Variants in PICALM observed in about 807,000 individuals in gnomAD.
PICALM encodes the protein phosphatidylinositol-binding clathrin assembly protein.
PICALM carries 40 observed loss-of-function variants against 80.5 expected under a neutral mutation model. That is an observed-to-expected ratio of 0.50 (90% confidence interval 0.39 to 0.65). The LOEUF (loss-of-function observed/expected upper bound fraction) is 0.65. PICALM is among the 30% of genes least tolerant of loss of function. PICALM has a pLI of 0.00. For synonymous variants in PICALM, 288 were observed against 260.3 expected, an observed-to-expected ratio of 1.11 and a Z score of -1.02; for missense variants, 676 against 778.9, an observed-to-expected ratio of 0.87 and a Z score of 1.57.
chr11:86,065,775 T>A (rs1324698405), intron 1 of PICALM, among the ~76,000 whole-genome samples: 1 of 152,200 alleles, frequency 6.6e-6, no homozygotes, highest in African/African-American at 2.4e-5. Flanking sequence ...ACCTACAGTA[T>A]AAGCAAAGCA....
At chr11:86,011,408 T>C (rs931964373) in intron 6 of PICALM, among the ~76,000 whole-genome samples, 2 of 152,248 alleles carry the variant, frequency 1.3e-5, no homozygotes, top group Non-Finnish European at 2.9e-5. Context: ...CATATTTGTG[T>C]GTAAACACGT....
At chr11:86,044,808 C>A (rs551308305) in intron 1 of PICALM, among the ~76,000 whole-genome samples, 1 of 152,334 alleles carries the variant, frequency 6.6e-6, no homozygotes, top group Admixed American at 6.5e-5. Flanking sequence ...ACTGCACATG[C>A]AAGGGATCTA....
intron 6 of PICALM, among the ~76,000 whole-genome samples, chr11:86,011,750 T>C (rs1036829576): frequency 6.6e-6 from 1 of 152,174 alleles, no homozygotes; most frequent in Admixed American, 6.5e-5. Flanking sequence ...ATGGAGTTGA[T>C]TATGAGAAAA....
At chr11:86,042,571 C>T (rs1434395967) in intron 1 of PICALM, among the ~76,000 whole-genome samples, 1 of 149,382 alleles carries the variant, frequency 6.7e-6, no homozygotes, top group African/African-American at 2.5e-5. Context: ...AATTTAAGAA[C>T]AAATGCCAAA....
intron 2 of PICALM, among the ~76,000 whole-genome samples, chr11:86,027,671 T>C (rs1443294836): frequency 1.3e-5 from 2 of 151,926 alleles, no homozygotes; most frequent in East Asian, 1.9e-4. Context: ...ACTACAGGCA[T>C]GTCCAGCTCA....
intron 1 of PICALM, among the ~76,000 whole-genome samples, chr11:86,060,778 A>C (rs1044403211): frequency 6.6e-6 from 1 of 152,036 alleles, no homozygotes; most frequent in African/African-American, 2.4e-5. Flanking sequence ...TTACACTCAC[A>C]AAAATTAACT....
At chr11:85,984,862 A>T (rs1484831648) in intron 13 of PICALM, among the ~76,000 whole-genome samples, 1 of 152,162 alleles carries the variant, frequency 6.6e-6, no homozygotes, top group Non-Finnish European at 1.5e-5. Context: ...GGCTGAAAAG[A>T]ATTAAAATCC....
chr11:86,023,105 A>C (rs1234192756), intron 3 of PICALM, among the ~76,000 whole-genome samples: 1 of 152,172 alleles, frequency 6.6e-6, no homozygotes, highest in Non-Finnish European at 1.5e-5. Flanking sequence ...AATCTAATCA[A>C]TATTATTTTC....
intron 19 of PICALM, among the ~76,000 whole-genome samples, chr11:85,965,553 T>C (rs1450017393): frequency 6.6e-6 from 1 of 152,212 alleles, no homozygotes; most frequent in Non-Finnish European, 1.5e-5. Context: ...ATATAAATTA[T>C]ACAGTGCTGC....
intron 13 of PICALM, among the ~76,000 whole-genome samples, chr11:85,989,363 A>G (rs150558064): frequency 1.1e-3 from 161 of 152,274 alleles, no homozygotes; most frequent in African/African-American, 3.6e-3. Flanking sequence ...TCACTTATAT[A>G]TATCTAAGAG....
chr11:86,038,073 A>C (rs1002522885), intron 1 of PICALM, among the ~76,000 whole-genome samples: 4 of 152,210 alleles, frequency 2.6e-5, no homozygotes, highest in African/African-American at 9.6e-5. Context: ...TAATCCCAAC[A>C]CTATGGAAAG....
At chr11:86,058,486 G>A (rs2096304546) in intron 1 of PICALM, among the ~76,000 whole-genome samples, 1 of 152,140 alleles carries the variant, frequency 6.6e-6, no homozygotes, top group Non-Finnish European at 1.5e-5. Flanking sequence ...CAAGTAATAA[G>A]TTCATGGCTA....
At chr11:86,042,552 G>C (rs1427357109) in intron 1 of PICALM, among the ~76,000 whole-genome samples, 3 of 151,042 alleles carry the variant, frequency 2.0e-5, no homozygotes, top group Non-Finnish European at 4.4e-5. Flanking sequence ...AACATATTAA[G>C]TATCAAGTAA....
chr11:86,005,752 C>T (rs925395078), intron 8 of PICALM, among the ~76,000 whole-genome samples: 2 of 148,906 alleles, frequency 1.3e-5, no homozygotes, highest in Non-Finnish European at 3.0e-5. Context: ...AAATGTGATG[C>T]TTTACACCTT....
intron 8 of PICALM, among the ~76,000 whole-genome samples, chr11:86,004,376 A>C (rs1293754708): frequency 6.6e-6 from 1 of 152,200 alleles, no homozygotes; most frequent in African/African-American, 2.4e-5. Context: ...TTAGAAATCA[A>C]AACAGTGACT....
At chr11:86,051,497 C>T (rs2096186477) in intron 1 of PICALM, among the ~76,000 whole-genome samples, 1 of 152,056 alleles carries the variant, frequency 6.6e-6, no homozygotes, top group Non-Finnish European at 1.5e-5. Context: ...CCCATCTCTA[C>T]TAAAAATACA....
In PICALM at chr11:85,959,162, T is replaced by C. The variant is rs531433209; in HGVS notation, c.1945-102A>G. ...TTACCATTTAACTGGCCCAGAAGTG[T>C]TCACAACATGCTTATCACAAACCCT... On this transcript the variant is annotated intron_variant, in intron 19 of 19. Transcript: ENST00000393346. The C allele has an allele frequency of 7.4e-6, 5 of 671,530 alleles. No homozygotes were observed. The East Asian group carries it at 7.9e-5, about 11-fold the overall frequency. The allele number at this position is 671,530 out of a possible 1,614,324, so 41.6% of individuals were successfully genotyped here. A position where few individuals can be genotyped will look rare whatever the true frequency, so the allele number is the denominator to read the frequency against.
intron 19 of PICALM, among the ~76,000 whole-genome samples, chr11:85,965,210 C>T (rs1310816814): frequency 6.6e-6 from 1 of 152,118 alleles, no homozygotes; most frequent in East Asian, 1.9e-4. Context: ...CCGTGTGATA[C>T]CTTCCACCAT....
At position 86,062,242 on chromosome 11, in the gene PICALM, C is replaced by G. The variant is rs546871871; in HGVS notation, c.130+6409G>C. 1.1e-4 allele frequency among the ~76,000 whole-genome samples: 17 copies of G among 152,282 alleles called. No individual in the cohort carries two copies. In the South Asian group the frequency reaches 3.3e-3, roughly 30 times the overall value. ...ACAGCAAGAGTAAACCTTGGCCGGG[C>G]GCAGTGGCTCACGCCTGTAATCCCA... On this transcript the variant is annotated intron_variant, in intron 1 of 19. Transcript: ENST00000393346.
Sources: gnomAD v4.1 joint callset for allele counts (sites outside exome capture counted in the v4.1 genomes callset) on GRCh38, gnomAD v4.1.1 for gene constraint, MANE v1.5 for transcripts, NCBI Gene and HGNC (gene_info 2026-07-23, HGNC 2026-07-21) for gene names.